The following ARPP21 variants were observed in gnomAD, a reference collection of about 807,000 sequenced individuals.
The protein encoded by ARPP21 is cAMP regulated phosphoprotein 21, also known as cAMP-regulated phosphoprotein 21.
In ARPP21, 69 loss-of-function variants were observed where a neutral mutation model predicts 113.2. The ratio of observed to expected loss-of-function variants is 0.61; its 90% CI spans 0.50 to 0.74. The LOEUF (loss-of-function observed/expected upper bound fraction) is 0.74, where lower values mean the gene tolerates loss of function less well. Among genes scored for constraint, ARPP21 ranks in the 30% least tolerant of loss-of-function variants. The pLI, the probability that ARPP21 is intolerant of heterozygous loss-of-function variation, is 0.00. For missense variants in ARPP21, 1,070 were observed against 1,037.4 expected (o/e 1.03, Z -0.43); for synonymous variants, 368 against 375.5 (o/e 0.98, Z 0.23).
chr3:35,774,044 T>C (rs2096281618), intron 19 of ARPP21, among the ~76,000 whole-genome samples: 2 of 152,194 alleles, frequency 1.3e-5, no homozygotes, highest in Non-Finnish European at 1.5e-5. Flanking sequence ...ACTGCTCAGT[T>C]AAGTGTTCCT....
chr3:35,690,134 A>G lies in ARPP21; in HGVS notation c.539A>G (p.Asp180Gly), dbSNP rs1488200031. 2.8e-6 allele frequency: 4 copies of G among 1,444,030 alleles called. No individual in the cohort carries two copies. The highest frequency in any genetic ancestry group is 3.9e-6 in the Non-Finnish European group (4 of 1,026,544). 89.5% of individuals were successfully genotyped at this position (1,444,030 alleles called of 1,614,324 possible). The change falls in exon 8 of 21, where the codon GAC becomes GGC. Residue 180 changes from aspartate (D) to glycine (G), a missense_variant. By Grantham distance (94) the Asp-to-Gly change is moderately conservative (BLOSUM62 -1). Coordinates refer to ENST00000684406, the MANE Select transcript of ARPP21 (RefSeq NM_001385562.1). ...MEQEIIDFIA[D>G]NNNHYKKFPQ... ...CAGGAAATTATTGATTTCATTGCTG[A>G]CAACAAGTATGTTAAACTTCAATGC...
chr3:35,754,687 T>TACATCCCAAAA (rs2095515386), intron 19 of ARPP21, among the ~76,000 whole-genome samples: 1 of 151,900 alleles, frequency 6.6e-6, no homozygotes, highest in African/African-American at 2.4e-5. Context: ...CCAAAAACGG[T>TACATCCCAAAA]ATAGATGGCC....
At chr3:35,650,754 T>G (rs1702066402) in intron 1 of ARPP21, among the ~76,000 whole-genome samples, 1 of 152,040 alleles carries the variant, frequency 6.6e-6, no homozygotes, top group Non-Finnish European at 1.5e-5. Flanking sequence ...GTATATGAAA[T>G]TAGTATGAGC....
At position 35,739,586 on chromosome 3, in the gene ARPP21, G is replaced by A. The variant is rs2094538408; in HGVS notation, c.2010+9G>A. On this transcript the variant is annotated intron_variant, in intron 18 of 20. Transcript: ENST00000684406. ...AGCCTCCGCCTGCACAGGTAGGTGT[G>A]CTTCCTCATGCCTGTGACCTACAGC... 1 of 1,602,492 alleles carries A rather than the reference G, an allele frequency of 6.2e-7. No homozygotes were observed. Among genetic ancestry groups the A allele is most frequent in the Non-Finnish European group, 8.5e-7 (1 of 1,173,190 alleles).
intron 1 of ARPP21, among the ~76,000 whole-genome samples, chr3:35,641,269 C>T (rs914700811): frequency 6.6e-6 from 1 of 151,952 alleles, no homozygotes; most frequent in African/African-American, 2.4e-5. Flanking sequence ...AAGGACATTC[C>T]CCAAAGTTGA....
At chr3:35,781,645 G>A (rs2096529668) in intron 19 of ARPP21, 1 of 152,038 alleles carries the variant, frequency 6.6e-6, no homozygotes, top group Non-Finnish European at 1.5e-5. Context: ...CTGTTACCAA[G>A]GAAAATCATG....
chr3:35,650,650 A>G (rs192462267), intron 1 of ARPP21, among the ~76,000 whole-genome samples: 7 of 152,236 alleles, frequency 4.6e-5, no homozygotes, highest in Non-Finnish European at 8.8e-5. Context: ...GCTTTGGTGG[A>G]GAGGAAAGTT....
Position 35,737,494 on chromosome 3 carries a change from A to G in ARPP21, c.1644+132A>G, listed in dbSNP as rs2094429435. The G allele has an allele frequency of 6.9e-6, 4 of 581,550 alleles. No individual in the cohort carries two copies. The South Asian group carries it at 1.4e-4, about 20-fold the overall frequency. The allele number at this position is 581,550 out of a possible 1,614,324, so 36.0% of individuals were successfully genotyped here. On this transcript the variant is annotated intron_variant, in intron 16 of 20. Coordinates refer to ENST00000684406, the MANE Select transcript of ARPP21 (RefSeq NM_001385562.1). ...CCTCACAAATAAAACCTGGCAGCAT[A>G]GAGTTCTTTGCAGATTGACAGGATT...
At position 35,715,421 on chromosome 3, in the gene ARPP21, C is replaced by T; in HGVS notation, c.898-18C>T. ...ATATCCAGAACTTCTGATCCAATGC[C>T]TTTTTTTTATTTTTCAGTCAGTTTG... On this transcript the variant is annotated intron_variant, in intron 11 of 20. Coordinates refer to ENST00000684406, the MANE Select transcript of ARPP21 (RefSeq NM_001385562.1). The T allele has an allele frequency of 1.2e-6, 2 of 1,608,930 alleles. No homozygotes were observed. The highest frequency in any genetic ancestry group is 1.7e-6 in the Non-Finnish European group (2 of 1,176,206).
chr3:35,694,672 G>A (rs1274755949), intron 9 of ARPP21, among the ~76,000 whole-genome samples: 4 of 150,876 alleles, frequency 2.7e-5, no homozygotes, highest in African/African-American at 9.7e-5. Flanking sequence ...AGAAATTATT[G>A]AGCAGAGCCT....
intron 19 of ARPP21, among the ~76,000 whole-genome samples, chr3:35,762,498 A>G (rs1406783144): frequency 3.3e-5 from 5 of 151,866 alleles, no homozygotes; most frequent in African/African-American, 1.2e-4. Context: ...GTCCTCATAT[A>G]TTTTCTTTTA....
intron 12 of ARPP21, among the ~76,000 whole-genome samples, chr3:35,716,340 A>G (rs1158052721): frequency 2.0e-5 from 3 of 152,088 alleles, no homozygotes; most frequent in African/African-American, 7.2e-5. Flanking sequence ...TATACCATTG[A>G]TTAAAATGAA....
intron 19 of ARPP21, among the ~76,000 whole-genome samples, chr3:35,749,449 A>AAC (rs1470407119): frequency 1.3e-5 from 2 of 151,204 alleles, no homozygotes; most frequent in Non-Finnish European, 3.0e-5. Context: ...AAAAAAAAAA[A>AAC]AGGAACTTAT....
At chr3:35,785,757 T>C (rs1054282261) in intron 19 of ARPP21, among the ~76,000 whole-genome samples, 1 of 152,182 alleles carries the variant, frequency 6.6e-6, no homozygotes, top group African/African-American at 2.4e-5. Context: ...GAAGAAAAAC[T>C]ACTGCTTCAG....
At chr3:35,759,672 CTCTCTGTGTG>C (rs914139021) in intron 19 of ARPP21, among the ~76,000 whole-genome samples, 1 of 119,640 alleles carries the variant, frequency 8.4e-6, no homozygotes, top group Admixed American at 7.7e-5. Flanking sequence ...TTCATTTTCT[CTCTCTGTGTG>C]TGTGTGTGTG....
At position 35,729,015 on chromosome 3, in the gene ARPP21, T is replaced by C. The variant is rs563315740; in HGVS notation, c.1226-288T>C. Among the ~76,000 whole-genome samples, 4 of 152,282 alleles carry C rather than the reference T, an allele frequency of 2.6e-5. No homozygotes were observed. The East Asian group carries it at 7.7e-4, about 29-fold the overall frequency. On this transcript the variant is annotated intron_variant, in intron 14 of 20. Coordinates refer to ENST00000684406, the MANE Select transcript of ARPP21 (RefSeq NM_001385562.1). ...AGGTACTGAGTTCAGAGCTTTAGGG[T>C]ACCCTTTACCAGTTTATCACCCTAG...
intron 1 of ARPP21, among the ~76,000 whole-genome samples, chr3:35,643,976 G>A (rs981759879): frequency 1.3e-5 from 2 of 151,946 alleles, no homozygotes; most frequent in African/African-American, 4.8e-5. Flanking sequence ...TGATGCATTT[G>A]TAAAACATAT....
intron 11 of ARPP21, among the ~76,000 whole-genome samples, chr3:35,712,753 G>C (rs968136020): frequency 1.1e-4 from 16 of 152,076 alleles, no homozygotes; most frequent in Non-Finnish European, 2.4e-4. Context: ...CAACAATTTA[G>C]AATTTAGTAC....
intron 9 of ARPP21, among the ~76,000 whole-genome samples, chr3:35,696,049 A>C (rs1431993811): frequency 6.6e-6 from 1 of 151,520 alleles, no homozygotes; most frequent in Non-Finnish European, 1.5e-5. Flanking sequence ...CAATGACAGT[A>C]GGAGGCTACA....
Sources: gnomAD v4.1 joint callset for allele counts (sites outside exome capture counted in the v4.1 genomes callset) on GRCh38, gnomAD v4.1.1 for gene constraint, MANE v1.5 for transcripts, NCBI Gene and HGNC (gene_info 2026-07-23, HGNC 2026-07-21) for gene names.